Variants in CENPP observed in about 807,000 individuals in gnomAD.
CENPP encodes centromere protein P.
CENPP carries 24 observed loss-of-function variants against 35.6 expected under a neutral mutation model. That is an observed-to-expected ratio of 0.67 (90% CI 0.49 to 0.95). The LOEUF (loss-of-function observed/expected upper bound fraction) is 0.95. Ranked by LOEUF, CENPP falls within the 40% of genes least tolerant of loss-of-function variation. CENPP has a pLI of 0.00. For missense variants in CENPP, 332 were observed against 345.3 expected (o/e 0.96, Z 0.31); for synonymous variants, 120 against 125.5 (o/e 0.96, Z 0.29).
At chr9:92,571,907 CT>C (rs145507230) in intron 5 of CENPP, among the ~76,000 whole-genome samples, 45,923 of 126,700 alleles carry the variant, frequency 0.36, 6,972 homozygotes, top group African/African-American at 0.57. Context: ...TGCAACTCCT[CT>C]TTTTTTTTTT....
At chr9:92,409,545 T>TA (rs1357002596) in intron 5 of CENPP, among the ~76,000 whole-genome samples, 1 of 152,236 alleles carries the variant, frequency 6.6e-6, no homozygotes, top group African/African-American at 2.4e-5. Context: ...AGGTAATTCT[T>TA]AAACACTGGC....
Position 92,566,931 on chromosome 9 carries a change from G to T in CENPP, c.565-44383G>T, listed in dbSNP as rs188712902. Among the ~76,000 whole-genome samples the T allele has an allele frequency of 6.6e-5, 10 of 152,306 alleles. 1 individual carries two copies. The South Asian group carries it at 1.0e-3, about 16-fold the overall frequency. On this transcript the variant is annotated intron_variant, in intron 5 of 7. Transcript: ENST00000375587. ...ACACCTGTGCAAAACAGAGAAACTT[G>T]AAAGCAGCAAGAGAGAAAGCAGCAC...
intron 5 of CENPP, among the ~76,000 whole-genome samples, chr9:92,452,607 G>A (rs964563806): frequency 3.3e-4 from 51 of 152,270 alleles, no homozygotes; most frequent in African/African-American, 1.1e-3. Context: ...GATGATGCTG[G>A]CCTCATAAAA....
At chr9:92,524,164 T>G (rs963575945) in intron 5 of CENPP, among the ~76,000 whole-genome samples, 9 of 152,226 alleles carry the variant, frequency 5.9e-5, no homozygotes, top group Admixed American at 5.9e-4. Flanking sequence ...TTCTGTTTTG[T>G]GCTTTTATTC....
chr9:92,533,307 A>C (rs77949176), intron 5 of CENPP, among the ~76,000 whole-genome samples: 1,521 of 47,508 alleles, frequency 0.032, 18 homozygotes, highest in Non-Finnish European at 0.044. Flanking sequence ...CTCAAACAAA[A>C]AAAAAAAAAA....
chr9:92,588,320 C>G (rs575302630), intron 5 of CENPP, among the ~76,000 whole-genome samples: 2 of 151,714 alleles, frequency 1.3e-5, no homozygotes, highest in Admixed American at 1.3e-4. Context: ...GCGATCTCGG[C>G]TCACTGCAAG....
intron 5 of CENPP, chr9:92,403,581 C>G: frequency 8.1e-7 from 1 of 1,235,390 alleles, no homozygotes; most frequent in Non-Finnish European, 1.0e-6. Context: ...GTATTTAACC[C>G]TTAGTGATCT....
intron 5 of CENPP, among the ~76,000 whole-genome samples, chr9:92,490,370 A>G (rs1458287733): frequency 6.6e-6 from 1 of 152,184 alleles, no homozygotes; most frequent in East Asian, 1.9e-4. Context: ...ATTTGGTGTT[A>G]AGTTAGAGCT....
At chr9:92,357,563 C>T (rs933336899) in intron 4 of CENPP, among the ~76,000 whole-genome samples, 2 of 151,590 alleles carry the variant, frequency 1.3e-5, no homozygotes, top group African/African-American at 2.4e-5. Flanking sequence ...GGCGCGATCT[C>T]AGCTCACCGC....
At chr9:92,518,189 T>G (rs1247516787) in intron 5 of CENPP, among the ~76,000 whole-genome samples, 1 of 152,084 alleles carries the variant, frequency 6.6e-6, no homozygotes, top group African/African-American at 2.4e-5. Flanking sequence ...TCCCCAAATC[T>G]CAGTTATTTT....
rs555164172 is a variant in CENPP, at chr9:92,426,640, G to A, written c.564+46781G>A. 2.6e-5 allele frequency among the ~76,000 whole-genome samples: 4 copies of A among 152,308 alleles called. No individual in the cohort carries two copies. The South Asian group carries it at 6.2e-4, about 24-fold the overall frequency. On this transcript the variant is annotated intron_variant, in intron 5 of 7. Transcript: ENST00000375587. Reference sequence around the variant, plus strand: ...ACAGTTCAGGCACCGCTGTATGTGGGGACTGGAATGGAACAATTAAGTTAC... The same window carrying A: ...ACAGTTCAGGCACCGCTGTATGTGGAGACTGGAATGGAACAATTAAGTTAC...
At chr9:92,394,408 A>AT (rs34978081) in intron 5 of CENPP, among the ~76,000 whole-genome samples, 14,937 of 130,896 alleles carry the variant, frequency 0.11, 1,072 homozygotes, top group Admixed American at 0.24. Context: ...ACACATGGCT[A>AT]TTTTTTTTTT....
At chr9:92,543,469 C>A (rs13440400) in intron 5 of CENPP, among the ~76,000 whole-genome samples, 1 of 63,096 alleles carries the variant, frequency 1.6e-5, no homozygotes. Context: ...GAAACCCTGT[C>A]TCAAAAAAAA....
intron 5 of CENPP, among the ~76,000 whole-genome samples, chr9:92,578,886 C>T (rs1297858165): frequency 6.6e-6 from 1 of 152,138 alleles, no homozygotes; most frequent in Non-Finnish European, 1.5e-5. Flanking sequence ...ATGCCTATGT[C>T]CTGAATGGTA....
chr9:92,524,869 A>T (rs1017527906), intron 5 of CENPP, among the ~76,000 whole-genome samples: 5 of 152,222 alleles, frequency 3.3e-5, no homozygotes, highest in African/African-American at 1.2e-4. Flanking sequence ...GCCAACCAGA[A>T]CAAATCTATG....
At chr9:92,517,820 C>G in intron 5 of CENPP, 27 of 1,614,166 alleles carry the variant, frequency 1.7e-5, no homozygotes, top group Non-Finnish European at 2.2e-5. Context: ...GCTCAGGCGA[C>G]CACACAGCTT....
rs1201537474 is a variant in CENPP at position 92,619,413 on chromosome 9, C to T, written c.*6264C>T. On this transcript the variant is annotated 3_prime_UTR_variant, in exon 8 of 8. Coordinates refer to ENST00000375587, the MANE Select transcript of CENPP (RefSeq NM_001012267.3). Reference sequence around the variant, plus strand: ...TCTAAATATGGGGAAACCAACTATCCTATTAACAATTCACCAACTGTCCAT... The same window carrying T: ...TCTAAATATGGGGAAACCAACTATCTTATTAACAATTCACCAACTGTCCAT... 1.6e-5 allele frequency: 19 copies of T among 1,217,394 alleles called. No homozygotes were observed. In the South Asian group the frequency reaches 2.2e-4, roughly 14 times the overall value. The allele number at this position is 1,217,394 out of a possible 1,614,324, so 75.4% of individuals were successfully genotyped here.
intron 1 of CENPP, among the ~76,000 whole-genome samples, chr9:92,331,631 G>A (rs1047047666): frequency 2.6e-5 from 4 of 152,206 alleles, no homozygotes; most frequent in African/African-American, 9.7e-5. Context: ...GTGGAAATTT[G>A]GAAGTATAAT....
intron 5 of CENPP, among the ~76,000 whole-genome samples, chr9:92,556,831 G>A (rs1226126314): frequency 6.6e-6 from 1 of 152,006 alleles, no homozygotes; most frequent in Non-Finnish European, 1.5e-5. Context: ...GCCATTTACA[G>A]TTGCATCCAT....
Sources: gnomAD v4.1 joint callset for allele counts (sites outside exome capture counted in the v4.1 genomes callset) on GRCh38, gnomAD v4.1.1 for gene constraint, MANE v1.5 for transcripts, NCBI Gene and HGNC (gene_info 2026-07-23, HGNC 2026-07-21) for gene names.